The following NAALADL2 variants were observed in gnomAD, a reference collection of about 807,000 sequenced individuals.
The protein encoded by NAALADL2 is inactive N-acetylated-alpha-linked acidic dipeptidase-like protein 2.
Under a neutral mutation model 87.2 loss-of-function variants are expected in NAALADL2, and 76 were observed. The observed-to-expected ratio is 0.87, with a 90% confidence interval of 0.72 to 1.05. NAALADL2 has a LOEUF of 1.05. Ranked by LOEUF, NAALADL2 falls within the 50% of genes least tolerant of loss-of-function variation. The pLI, the probability that NAALADL2 is intolerant of heterozygous loss-of-function variation, is 0.00. For synonymous variants in NAALADL2, 354 were observed against 331.0 expected, an observed-to-expected ratio of 1.07 and a Z score of -0.75; for missense variants, 1,089 against 945.8, an observed-to-expected ratio of 1.15 and a Z score of -1.99.
intron 3 of NAALADL2, among the ~76,000 whole-genome samples, chr3:174,835,193 A>G (rs1386364080): frequency 6.6e-6 from 1 of 152,098 alleles, no homozygotes; most frequent in African/African-American, 2.4e-5. Flanking sequence ...GGGAAACAAT[A>G]GTGCTAGAAC....
intron 6 of NAALADL2, among the ~76,000 whole-genome samples, chr3:175,452,934 C>T (rs1372159316): frequency 1.3e-5 from 2 of 152,086 alleles, no homozygotes; most frequent in Non-Finnish European, 2.9e-5. Flanking sequence ...AAAGGTGACG[C>T]AGATCTGACA....
chr3:175,483,975 A>T (rs537020682), intron 9 of NAALADL2, among the ~76,000 whole-genome samples: 24 of 152,194 alleles, frequency 1.6e-4, no homozygotes, highest in Non-Finnish European at 1.9e-4. Flanking sequence ...AAGCAGAGTA[A>T]AGTTATGACC....
chr3:175,541,220 A>G (rs1350531605), intron 9 of NAALADL2, among the ~76,000 whole-genome samples: 1 of 152,186 alleles, frequency 6.6e-6, no homozygotes, highest in African/African-American at 2.4e-5. Context: ...CTAATAGCCA[A>G]ATCTGTTTTT....
chr3:175,606,174 A>T (rs1299108577), intron 10 of NAALADL2, among the ~76,000 whole-genome samples: 1 of 152,176 alleles, frequency 6.6e-6, no homozygotes, highest in East Asian at 1.9e-4. Context: ...TAAAGTGCCA[A>T]AGTATTTAAG....
At chr3:175,121,156 C>T (rs1349375889) in intron 2 of NAALADL2, among the ~76,000 whole-genome samples, 1 of 151,806 alleles carries the variant, frequency 6.6e-6, no homozygotes, top group Non-Finnish European at 1.5e-5. Context: ...GTTTCTATAA[C>T]AAGGAATAGA....
chr3:175,436,525 T>A (rs1718700759), intron 5 of NAALADL2, among the ~76,000 whole-genome samples: 1 of 145,846 alleles, frequency 6.9e-6, no homozygotes, highest in South Asian at 2.1e-4. Flanking sequence ...GTTTCCTGAC[T>A]TTTTAATGAT....
At chr3:175,665,247 A>AT (rs1377187581) in intron 11 of NAALADL2, among the ~76,000 whole-genome samples, 3 of 152,236 alleles carry the variant, frequency 2.0e-5, no homozygotes, top group Non-Finnish European at 4.4e-5. Flanking sequence ...ACAAGGCTGT[A>AT]TTTTAAAACA....
chr3:175,338,610 AAAAACACC>A (rs1384336571), intron 5 of NAALADL2, among the ~76,000 whole-genome samples: 1 of 105,514 alleles, frequency 9.5e-6, no homozygotes, highest in East Asian at 5.4e-4. Flanking sequence ...AAAAAAAAAA[AAAAACACC>A]ACAAACACAC....
chr3:175,471,790 A>T (rs1431971608), intron 9 of NAALADL2, 32 bp downstream of exon 9: 1 of 1,551,960 alleles, frequency 6.4e-7, no homozygotes, highest in East Asian at 2.3e-5. Flanking sequence ...TCAAATGATT[A>T]TGCAAAACCG....
chr3:175,386,804 CTG>C (rs1200624647), intron 5 of NAALADL2, among the ~76,000 whole-genome samples: 7 of 152,192 alleles, frequency 4.6e-5, no homozygotes, highest in African/African-American at 9.6e-5. Context: ...GTTAGTCACT[CTG>C]TAGCCATCTT....
intron 2 of NAALADL2, among the ~76,000 whole-genome samples, chr3:175,229,717 A>G (rs939651047): frequency 4.6e-5 from 7 of 151,966 alleles, no homozygotes; most frequent in Non-Finnish European, 1.0e-4. Context: ...ATGAATAAAC[A>G]TTCAGACTAC....
chr3:175,385,452 C>T (rs1581677203), intron 5 of NAALADL2, among the ~76,000 whole-genome samples: 2 of 151,926 alleles, frequency 1.3e-5, no homozygotes, highest in South Asian at 2.1e-4. Context: ...GATAGCTTCC[C>T]TCCACCCTTC....
At chr3:175,361,457 G>T (rs1280057229) in intron 5 of NAALADL2, among the ~76,000 whole-genome samples, 1 of 148,190 alleles carries the variant, frequency 6.7e-6, no homozygotes, top group East Asian at 2.0e-4. Flanking sequence ...CTTCCACAAT[G>T]GTTGAACTAG....
chr3:175,138,775 A>G (rs1580657341), intron 2 of NAALADL2, among the ~76,000 whole-genome samples: 1 of 148,848 alleles, frequency 6.7e-6, no homozygotes, highest in African/African-American at 2.5e-5. Context: ...TGTAGGAAAT[A>G]CACATAAGAT....
At chr3:175,400,146 A>G (rs1770383841) in intron 5 of NAALADL2, among the ~76,000 whole-genome samples, 1 of 152,152 alleles carries the variant, frequency 6.6e-6, no homozygotes, top group African/African-American at 2.4e-5. Context: ...AGGGATACAG[A>G]TGTGAATTCA....
At chr3:175,719,683 A>G (rs78644706) in intron 11 of NAALADL2, among the ~76,000 whole-genome samples, 9,307 of 152,216 alleles carry the variant, frequency 0.061, 933 homozygotes, top group African/African-American at 0.21. Flanking sequence ...CTAAATACCT[A>G]TGACAATCTG....
chr3:175,712,927 GT>G (rs1414427088), intron 11 of NAALADL2, among the ~76,000 whole-genome samples: 1 of 151,992 alleles, frequency 6.6e-6, no homozygotes, highest in Non-Finnish European at 1.5e-5. Context: ...GATTTGGGGG[GT>G]TAGATTGCTT....
intron 13 of NAALADL2, among the ~76,000 whole-genome samples, chr3:175,768,400 G>A (rs1348492208): frequency 1.3e-5 from 2 of 152,092 alleles, no homozygotes; most frequent in Non-Finnish European, 2.9e-5. Flanking sequence ...CCAGGTAGAT[G>A]TTTTCCCCAT....
intron 5 of NAALADL2, among the ~76,000 whole-genome samples, chr3:175,396,384 TTGA>T (rs1274446421): frequency 4.6e-5 from 7 of 152,158 alleles, no homozygotes. Context: ...TGATCAATAT[TTGA>T]TAAGTAATGT....
Sources: gnomAD v4.1 joint callset for allele counts (sites outside exome capture counted in the v4.1 genomes callset) on GRCh38, gnomAD v4.1.1 for gene constraint, MANE v1.5 for transcripts, NCBI Gene and HGNC (gene_info 2026-07-23, HGNC 2026-07-21) for gene names.